The following DCC variants were observed in gnomAD, a reference collection of about 807,000 sequenced individuals.
DCC encodes the protein DCC netrin 1 receptor.
A neutral mutation model predicts 172.5 loss-of-function variants in DCC; 58 were observed. The observed-to-expected ratio is 0.34, with a 90% CI of 0.27 to 0.42. The LOEUF (loss-of-function observed/expected upper bound fraction) is 0.42. Ranked by LOEUF, DCC falls within the 10% of genes least tolerant of loss-of-function variation. DCC has a pLI of 1.00. For missense variants in DCC, 1,740 were observed against 1,791.0 expected (o/e 0.97, Z 0.51); for synonymous variants, 709 against 644.5 (o/e 1.10, Z -1.52).
chr18:52,501,268 C>G (rs980671908), intron 1 of DCC, among the ~76,000 whole-genome samples: 4 of 152,082 alleles, frequency 2.6e-5, no homozygotes, highest in African/African-American at 9.7e-5. Flanking sequence ...AAAGATGGAG[C>G]AGGTATCTGG....
intron 12 of DCC, among the ~76,000 whole-genome samples, chr18:53,222,424 A>G (rs1158887268): frequency 4.1e-5 from 5 of 121,814 alleles, no homozygotes; most frequent in Non-Finnish European, 7.9e-5. Context: ...TTGCTCTGTC[A>G]CCCAGGCTGC....
chr18:53,358,050 GCTT>G (rs1311947394), intron 15 of DCC, among the ~76,000 whole-genome samples: 2 of 152,006 alleles, frequency 1.3e-5, no homozygotes, highest in African/African-American at 4.8e-5. Context: ...GATTGTAAAT[GCTT>G]CTTATTTATG....
At chr18:53,082,303 A>G (rs879348201) in intron 7 of DCC, among the ~76,000 whole-genome samples, 10 of 152,160 alleles carry the variant, frequency 6.6e-5, no homozygotes, top group Non-Finnish European at 1.3e-4. Context: ...TTATATGGTT[A>G]TGGCTGAATC....
intron 5 of DCC, among the ~76,000 whole-genome samples, chr18:52,969,446 T>A (rs946931284): frequency 6.6e-6 from 1 of 152,146 alleles, no homozygotes; most frequent in Non-Finnish European, 1.5e-5. Flanking sequence ...CCATTGACCA[T>A]TGCCTCAATC....
At chr18:52,826,259 A>C (rs2038506426) in intron 2 of DCC, among the ~76,000 whole-genome samples, 1 of 152,184 alleles carries the variant, frequency 6.6e-6, no homozygotes, top group Admixed American at 6.5e-5. Flanking sequence ...GATTGAAGTG[A>C]GAATGGCATT....
chr18:53,201,233 A>G (rs2055532017), intron 9 of DCC, among the ~76,000 whole-genome samples: 1 of 152,120 alleles, frequency 6.6e-6, no homozygotes, highest in South Asian at 2.1e-4. Context: ...AGGAGGAGTG[A>G]TGCCCTTGGA....
intron 7 of DCC, among the ~76,000 whole-genome samples, chr18:53,148,804 A>G (rs1006070313): frequency 6.6e-6 from 1 of 150,946 alleles, no homozygotes. Context: ...CAGACGAAGC[A>G]TGCTTGTCCT....
intron 5 of DCC, among the ~76,000 whole-genome samples, chr18:52,955,183 G>A (rs573985648): frequency 6.6e-6 from 1 of 152,066 alleles, no homozygotes; most frequent in Non-Finnish European, 1.5e-5. Context: ...TAGTTTCATT[G>A]TCTAAAGAAT....
At chr18:52,462,529 T>A (rs902493977) in intron 1 of DCC, among the ~76,000 whole-genome samples, 4 of 152,114 alleles carry the variant, frequency 2.6e-5, no homozygotes, top group Non-Finnish European at 5.9e-5. Flanking sequence ...CACAGTGCAA[T>A]ATGCAACCTC....
chr18:52,454,506 A>T (rs1439561392), intron 1 of DCC, among the ~76,000 whole-genome samples: 1 of 151,816 alleles, frequency 6.6e-6, no homozygotes, highest in African/African-American at 2.4e-5. Context: ...TTTTTGTATG[A>T]TCACTACCAG....
At chr18:52,859,479 G>C (rs1356816790) in intron 2 of DCC, among the ~76,000 whole-genome samples, 1 of 152,210 alleles carries the variant, frequency 6.6e-6, no homozygotes, top group Non-Finnish European at 1.5e-5. Context: ...AAGAATGGGT[G>C]CTTGGATCAT....
chr18:52,902,921 T>C (rs1013439578), intron 2 of DCC, among the ~76,000 whole-genome samples: 9 of 152,202 alleles, frequency 5.9e-5, no homozygotes, highest in African/African-American at 2.2e-4. Context: ...TTGTTAACTT[T>C]TAAACAGGAT....
Position 53,530,640 on chromosome 18 carries a change from G to T in DCC, c.4331G>T (p.Gly1444Val). ...GLMKQLNAIT[G>V]SAF The stretch of plus-strand genomic sequence containing the variant: ...ATGAAGCAGCTTAATGCCATCACAG[G>T]CTCAGCCTTTTAACATGTATTTCTG... Residue 1444 changes from glycine (G) to valine (V), a missense_variant, in exon 29 of 29, where the codon GGC becomes GTC. By Grantham distance (109) the Gly-to-Val change is moderately radical. This residue lies in a region of DCC where 8 missense variants were observed against 23.6 expected (regional missense o/e 0.34). Transcript: ENST00000442544. The T allele has an allele frequency of 6.3e-7, 1 of 1,589,392 alleles. No homozygotes were observed. The highest frequency in any genetic ancestry group is 8.6e-7 in the Non-Finnish European group (1 of 1,157,462).
chr18:52,601,075 A>G (rs1163607844), intron 1 of DCC, among the ~76,000 whole-genome samples: 1 of 152,112 alleles, frequency 6.6e-6, no homozygotes, highest in Admixed American at 6.6e-5. Flanking sequence ...AATAATAAAA[A>G]AGCCCAGAAA....
intron 27 of DCC, among the ~76,000 whole-genome samples, chr18:53,518,365 T>C (rs2046362271): frequency 6.6e-6 from 1 of 152,128 alleles, no homozygotes; most frequent in African/African-American, 2.4e-5. Flanking sequence ...CGGACCCTGG[T>C]GAGCATTTTT....
intron 1 of DCC, among the ~76,000 whole-genome samples, chr18:52,507,316 C>T (rs555974514): frequency 1.6e-4 from 25 of 152,062 alleles, no homozygotes; most frequent in South Asian, 4.2e-4. Context: ...CAAATTTCTC[C>T]GAGTCAAATA....
intron 26 of DCC, among the ~76,000 whole-genome samples, chr18:53,497,493 C>T (rs1157759067): frequency 6.6e-6 from 1 of 152,176 alleles, no homozygotes; most frequent in Non-Finnish European, 1.5e-5. Flanking sequence ...TCTTTCAGGC[C>T]AGTGCCACAA....
chr18:52,662,079 G>A (rs1423790777), intron 1 of DCC, among the ~76,000 whole-genome samples: 1 of 152,194 alleles, frequency 6.6e-6, no homozygotes, highest in Admixed American at 6.5e-5. Context: ...GTCAGTCTAG[G>A]ACAGTGATTC....
In DCC at chr18:53,428,386, TATATA is replaced by T. The variant is rs1473280921; in HGVS notation, c.3164-6742_3164-6738del. ...TATAATATAATATTATAATATATTG[TATATA>T]ATATAATATAATATATTACATATAT... On this transcript the variant is annotated intron_variant, in intron 21 of 28. Transcript: ENST00000442544. Among the ~76,000 whole-genome samples, 91 of 89,700 alleles carry T rather than the reference TATATA, an allele frequency of 1.0e-3. 3 individuals carry two copies. The highest frequency in any genetic ancestry group is 2.5e-3 in the African/African-American group (54 of 21,968). 58.8% of individuals were successfully genotyped at this position (89,700 alleles called of 152,430 possible).
Sources: allele counts gnomAD v4.1 joint callset (sites outside exome capture counted in the v4.1 genomes callset), GRCh38; gene constraint gnomAD v4.1.1; regional missense constraint gnomAD v4.1.1; transcripts MANE v1.5; gene names NCBI Gene and HGNC (gene_info 2026-07-23, HGNC 2026-07-21).